C1QTNF3: variants seen among roughly 807,000 people sequenced by gnomAD.
C1QTNF3 encodes the protein complement C1q tumor necrosis factor-related protein 3.
In C1QTNF3, 26 loss-of-function variants were observed where a neutral mutation model predicts 32.6. The observed-to-expected ratio is 0.80, with a 90% CI of 0.58 to 1.11. The LOEUF is 1.11. C1QTNF3 is among the 50% of genes least tolerant of loss of function. The pLI, the probability that C1QTNF3 is intolerant of heterozygous loss-of-function variation, is 0.00. For missense variants in C1QTNF3, 362 were observed against 398.2 expected, an observed-to-expected ratio of 0.91 and a Z score of 0.77; for synonymous variants, 155 against 146.0, an observed-to-expected ratio of 1.06 and a Z score of -0.44.
the C1QTNF3 span, among the ~76,000 whole-genome samples, chr5:34,176,539 C>G: frequency 2.6e-5 from 4 of 151,912 alleles, no homozygotes; most frequent in African/African-American, 4.8e-5. Context: ...CTTACTTTTC[C>G]GTCTCTATCT....
chr5:34,023,611 CAG>C (rs1334814420), intron 5 of C1QTNF3, among the ~76,000 whole-genome samples: 1 of 151,974 alleles, frequency 6.6e-6, no homozygotes, highest in Non-Finnish European at 1.5e-5. Flanking sequence ...GAAAAAGGGG[CAG>C]AGAGAGAGGA....
chr5:34,227,466 A>C, the C1QTNF3 span, among the ~76,000 whole-genome samples: 1 of 152,000 alleles, frequency 6.6e-6, no homozygotes, highest in Non-Finnish European at 1.5e-5. Flanking sequence ...CATATAATTT[A>C]TGCATTCATG....
At chr5:34,102,109 T>C in the C1QTNF3 span, among the ~76,000 whole-genome samples, 1 of 149,782 alleles carries the variant, frequency 6.7e-6, no homozygotes, top group African/African-American at 2.4e-5. Flanking sequence ...TAAAATTGAT[T>C]TCTAAAAATC....
At chr5:34,227,961 T>C in the C1QTNF3 span, among the ~76,000 whole-genome samples, 1 of 151,760 alleles carries the variant, frequency 6.6e-6, no homozygotes, top group South Asian at 2.1e-4. Context: ...TTGTCTCTTG[T>C]TGGCATGGAG....
At chr5:34,127,602 T>A in the C1QTNF3 span, among the ~76,000 whole-genome samples, 1 of 151,156 alleles carries the variant, frequency 6.6e-6, no homozygotes. Flanking sequence ...TTTTTTTTTT[T>A]TTTGAGACGG....
intron 5 of C1QTNF3, 32 bp from the exon 6 acceptor site, chr5:34,020,774 T>C (rs761628349): frequency 1.3e-6 from 2 of 1,599,350 alleles, no homozygotes; most frequent in African/African-American, 2.7e-5. Context: ...AACTACTTAG[T>C]TTTTGCCATG....
chr5:34,035,985 T>C (rs1394864615), intron 1 of C1QTNF3, among the ~76,000 whole-genome samples: 3 of 150,562 alleles, frequency 2.0e-5, no homozygotes, highest in African/African-American at 7.3e-5. Flanking sequence ...TAGAGGAAGA[T>C]GCTCTTTGAA....
the C1QTNF3 span, among the ~76,000 whole-genome samples, chr5:34,157,095 CAG>C: frequency 1.3e-5 from 2 of 152,220 alleles, no homozygotes; most frequent in African/African-American, 2.4e-5. Flanking sequence ...TGATTTATAA[CAG>C]ATAATTACTT....
intron 1 of C1QTNF3, among the ~76,000 whole-genome samples, chr5:34,037,593 AC>A (rs2112119165): frequency 6.6e-6 from 1 of 152,330 alleles, no homozygotes; most frequent in Admixed American, 6.5e-5. Context: ...ACCTCTCAGA[AC>A]CCAAGTCTTG....
chr5:34,233,632 A>G, the C1QTNF3 span, among the ~76,000 whole-genome samples: 6 of 152,088 alleles, frequency 3.9e-5, no homozygotes, highest in East Asian at 9.6e-4. Context: ...CCTTAACATT[A>G]TAATACTTGC....
At chr5:34,137,926 GAC>G in the C1QTNF3 span, among the ~76,000 whole-genome samples, 1 of 152,306 alleles carries the variant, frequency 6.6e-6, no homozygotes, top group African/African-American at 2.4e-5. Context: ...CCCATTTGGA[GAC>G]AAGATATTTA....
intron 1 of C1QTNF3, among the ~76,000 whole-genome samples, chr5:34,038,526 C>T (rs775379739): frequency 3.9e-5 from 6 of 152,172 alleles, no homozygotes; most frequent in Non-Finnish European, 5.9e-5. Context: ...CTCTGATCTT[C>T]TTTCCAGAAG....
the C1QTNF3 span, among the ~76,000 whole-genome samples, chr5:34,074,246 T>C: frequency 6.6e-6 from 1 of 151,668 alleles, no homozygotes; most frequent in South Asian, 2.1e-4. Context: ...CCCTGTTAGC[T>C]TGGAGCAGGA....
At chr5:34,043,225 C>CGGCGGA (rs1661077180), upstream of C1QTNF3, 1 of 1,289,284 alleles carries the variant, frequency 7.8e-7, no homozygotes, top group African/African-American at 1.5e-5. Context: ...AGAGCTGCAG[C>CGGCGGA]GGCGGAGTGG....
chr5:34,163,244 T>C, the C1QTNF3 span, among the ~76,000 whole-genome samples: 2 of 152,100 alleles, frequency 1.3e-5, no homozygotes, highest in African/African-American at 4.8e-5. Context: ...ATTCTGAGCT[T>C]AATTTCTGGG....
At chr5:34,219,791 T>C in the C1QTNF3 span, 1 of 152,144 alleles carries the variant, frequency 6.6e-6, no homozygotes, top group Admixed American at 6.6e-5. Flanking sequence ...AACTTGTGGA[T>C]GTTCTTTAAA....
chr5:34,141,419 G>A, the C1QTNF3 span, among the ~76,000 whole-genome samples: 3 of 151,890 alleles, frequency 2.0e-5, no homozygotes, highest in Admixed American at 6.6e-5. Context: ...CGCCGGGCCC[G>A]GGGTTGGCTC....
chr5:34,168,638 C>T, the C1QTNF3 span: 1 of 151,826 alleles, frequency 6.6e-6, no homozygotes, highest in Admixed American at 6.6e-5. Context: ...CATTGGCTGA[C>T]AACAGCTGTG....
At chr5:34,242,000 G>T in the C1QTNF3 span, among the ~76,000 whole-genome samples, 1 of 144,648 alleles carries the variant, frequency 6.9e-6, no homozygotes, top group African/African-American at 2.7e-5. Flanking sequence ...AAGGAAGGAA[G>T]GAAGGAAATT....
Sources: gnomAD v4.1 joint callset for allele counts (sites outside exome capture counted in the v4.1 genomes callset) on GRCh38, gnomAD v4.1.1 for gene constraint, MANE v1.5 for transcripts, NCBI Gene and HGNC (gene_info 2026-07-23, HGNC 2026-07-21) for gene names.